The following WWOX variants were observed in gnomAD, a reference collection of about 807,000 sequenced individuals.
WWOX encodes WW domain-containing oxidoreductase.
In WWOX, 69 loss-of-function variants were observed where a neutral mutation model predicts 46.2. That is an observed-to-expected ratio of 1.49 (90% confidence interval 1.23 to 1.82). WWOX has a LOEUF of 1.82. WWOX is among the 40% of genes most tolerant of loss of function. The probability of loss-of-function intolerance (pLI) is 0.00; values close to 1 mark genes in which losing one functional copy is unlikely to be tolerated. For missense variants in WWOX, 919 were observed against 542.6 expected (o/e 1.69, Z -6.89); for synonymous variants, 359 against 202.6 (o/e 1.77, Z -6.56).
rs575261939 is a variant in WWOX, at chr16:78,346,826, T to C, written c.517-40034T>C. Among the ~76,000 whole-genome samples the C allele has an allele frequency of 2.5e-4, 30 of 120,542 alleles. 5 individuals are homozygous for C. The South Asian group carries it at 6.7e-3, about 27-fold the overall frequency. The allele number at this position is 120,542 out of a possible 152,430, so 79.1% of individuals were successfully genotyped here. A position where few individuals can be genotyped will look rare whatever the true frequency, so the allele number is the denominator to read the frequency against. ...TTCAAGCGATTTTCCTGCCTCAGTC[T>C]CTTGAGTAGCTGGTGTTACAGAAGC... is the stretch of plus-strand genomic sequence containing the variant. On this transcript the variant is annotated intron_variant, in intron 5 of 8. Transcript: ENST00000566780.
chr16:78,465,580 A>G (rs758160658), intron 8 of WWOX, among the ~76,000 whole-genome samples: 6 of 152,334 alleles, frequency 3.9e-5, no homozygotes, highest in Non-Finnish European at 7.3e-5. Context: ...AGTAACTCAC[A>G]TGGACCCATA....
intron 5 of WWOX, among the ~76,000 whole-genome samples, chr16:78,353,394 C>G (rs1280334804): frequency 6.6e-6 from 1 of 152,140 alleles, no homozygotes; most frequent in Admixed American, 6.5e-5. Flanking sequence ...TGTGAGCCTT[C>G]CAGGGGTGTA....
At chr16:78,529,935 C>T (rs11645676) in intron 8 of WWOX, among the ~76,000 whole-genome samples, 16,531 of 152,144 alleles carry the variant, frequency 0.11, 1,030 homozygotes, top group South Asian at 0.24. Flanking sequence ...TGTTGGTTTC[C>T]GTGTTGATGA....
chr16:79,092,953 A>G (rs998075751), intron 8 of WWOX, among the ~76,000 whole-genome samples: 15 of 152,218 alleles, frequency 9.9e-5, no homozygotes, highest in South Asian at 8.3e-4. Flanking sequence ...ATAGAATGCT[A>G]TTTTCTAGTT....
At chr16:79,012,884 G>C (rs575258844) in intron 8 of WWOX, among the ~76,000 whole-genome samples, 1 of 152,296 alleles carries the variant, frequency 6.6e-6, no homozygotes, top group Admixed American at 6.5e-5. Flanking sequence ...CTGAAGAAAG[G>C]CATCACAAAG....
intron 8 of WWOX, among the ~76,000 whole-genome samples, chr16:78,697,494 C>A (rs991332756): frequency 6.6e-6 from 1 of 151,014 alleles, no homozygotes; most frequent in East Asian, 1.9e-4. Context: ...AAAATCTATA[C>A]AAATCTATAC....
chr16:78,948,723 C>G (rs996120411), intron 8 of WWOX, among the ~76,000 whole-genome samples: 4 of 152,056 alleles, frequency 2.6e-5, no homozygotes, highest in African/African-American at 4.8e-5. Context: ...CTTTGGCCCT[C>G]GACATCTCCT....
intron 8 of WWOX, among the ~76,000 whole-genome samples, chr16:78,963,479 C>CTT (rs1259440463): frequency 6.6e-6 from 1 of 152,094 alleles, no homozygotes; most frequent in Non-Finnish European, 1.5e-5. Flanking sequence ...GAAACAAAAA[C>CTT]AAATAAACAA....
intron 8 of WWOX, among the ~76,000 whole-genome samples, chr16:78,922,621 C>A (rs1029543791): frequency 1.3e-5 from 2 of 152,136 alleles, no homozygotes. Context: ...TTAGGTGATC[C>A]CCTCACCTTG....
chr16:78,247,872 C>G (rs1383784426), intron 5 of WWOX, among the ~76,000 whole-genome samples: 2 of 152,202 alleles, frequency 1.3e-5, no homozygotes, highest in Non-Finnish European at 2.9e-5. Flanking sequence ...TTATGTAGAA[C>G]CCAACTGCAG....
chr16:79,027,294 AG>A (rs1451495750), intron 8 of WWOX, among the ~76,000 whole-genome samples: 1 of 149,336 alleles, frequency 6.7e-6, no homozygotes, highest in African/African-American at 2.5e-5. Context: ...AAAAAAAAAA[AG>A]GTAGAGATGG....
At chr16:78,934,552 A>C (rs558352103) in intron 8 of WWOX, among the ~76,000 whole-genome samples, 15 of 150,586 alleles carry the variant, frequency 1.0e-4, no homozygotes, top group Admixed American at 8.6e-4. Flanking sequence ...TTACCAAACC[A>C]AGAAACTTAC....
intron 5 of WWOX, among the ~76,000 whole-genome samples, chr16:78,227,384 T>A (rs1306288529): frequency 6.6e-6 from 1 of 152,192 alleles, no homozygotes; most frequent in Non-Finnish European, 1.5e-5. Flanking sequence ...GTAGTTCCTT[T>A]CCATTGGAAC....
chr16:78,888,148 GGCTCCTTTTAAAAGGTGA>G (rs1160011011), intron 8 of WWOX, among the ~76,000 whole-genome samples: 1 of 152,134 alleles, frequency 6.6e-6, no homozygotes, highest in African/African-American at 2.4e-5. Flanking sequence ...ACAAAAAGCT[GGCTCCTTTTAAAAGGTGA>G]GCTCCTTAAA....
intron 8 of WWOX, among the ~76,000 whole-genome samples, chr16:78,768,953 G>A (rs1567547473): frequency 2.6e-5 from 4 of 152,166 alleles, no homozygotes; most frequent in Admixed American, 2.6e-4. Flanking sequence ...TCTGTTTTGA[G>A]CATCAGAATA....
At chr16:78,924,232 C>T (rs925283882) in intron 8 of WWOX, among the ~76,000 whole-genome samples, 1 of 152,126 alleles carries the variant, frequency 6.6e-6, no homozygotes, top group Non-Finnish European at 1.5e-5. Context: ...GCTGTGAATT[C>T]ATAGACGTCT....
chr16:78,215,682 C>G (rs1259974280), intron 5 of WWOX, among the ~76,000 whole-genome samples: 1 of 152,084 alleles, frequency 6.6e-6, no homozygotes, highest in Non-Finnish European at 1.5e-5. Context: ...AATCCCAGCA[C>G]TTTAGGAGGC....
intron 4 of WWOX, among the ~76,000 whole-genome samples, chr16:78,118,609 G>A (rs1241300619): frequency 2.0e-5 from 3 of 152,052 alleles, no homozygotes; most frequent in African/African-American, 7.3e-5. Context: ...ATGGCCCTTT[G>A]CTTGTTACCA....
intron 8 of WWOX, among the ~76,000 whole-genome samples, chr16:78,784,364 C>A (rs1404749210): frequency 6.6e-6 from 1 of 152,040 alleles, no homozygotes; most frequent in South Asian, 2.1e-4. Context: ...CTCATTGTAT[C>A]TGAAGACTAA....
Sources: gnomAD v4.1 joint callset for allele counts (sites outside exome capture counted in the v4.1 genomes callset) on GRCh38, gnomAD v4.1.1 for gene constraint, MANE v1.5 for transcripts, NCBI Gene and HGNC (gene_info 2026-07-23, HGNC 2026-07-21) for gene names.